TACC1: variants seen among roughly 807,000 people sequenced by gnomAD.
TACC1 encodes transforming acidic coiled-coil-containing protein 1.
A neutral mutation model predicts 84.4 loss-of-function variants in TACC1; 48 were observed. The observed-to-expected ratio is 0.57, with a 90% CI of 0.45 to 0.72. The LOEUF is 0.72. TACC1 is among the 30% of genes least tolerant of loss of function. TACC1 has a pLI of 0.00. For synonymous variants in TACC1, 372 were observed against 376.3 expected (o/e 0.99, Z 0.13); for missense variants, 920 against 973.0 (o/e 0.95, Z 0.72).
At chr8:38,753,929 C>CTTTCTTTCTTTCTTTCTTTCTTTCT (rs370460992) in intron 3 of TACC1, among the ~76,000 whole-genome samples, 3 of 120,742 alleles carry the variant, frequency 2.5e-5, no homozygotes, top group Non-Finnish European at 5.5e-5. Context: ...TTCTTTCTTT[C>CTTTCTTTCTTTCTTTCTTTCTTTCT]TTCTTTCTCT....
chr8:38,784,531 G>A (rs909757326), upstream of TACC1, among the ~76,000 whole-genome samples: 3 of 151,742 alleles, frequency 2.0e-5, no homozygotes, highest in Non-Finnish European at 4.4e-5. Flanking sequence ...CTGCACCACC[G>A]TGCTCCAGCC....
chr8:38,825,515 TC>T, intron 4 of TACC1, 147 bp downstream of exon 4: 1 of 739,272 alleles, frequency 1.4e-6, no homozygotes. Context: ...ATCCTTACTG[TC>T]CCTGAAGAGA....
At chr8:38,757,978 G>A (rs145745751) in intron 3 of TACC1, among the ~76,000 whole-genome samples, 1 of 152,240 alleles carries the variant, frequency 6.6e-6, no homozygotes, top group Non-Finnish European at 1.5e-5. Flanking sequence ...GGGACACCAA[G>A]TACTGTAATG....
chr8:38,801,606 G>C (rs1472120885), intron 2 of TACC1, among the ~76,000 whole-genome samples: 1 of 152,146 alleles, frequency 6.6e-6, no homozygotes, highest in Admixed American at 6.5e-5. Flanking sequence ...CCACCACACT[G>C]TCTTGATTAC....
At chr8:38,746,231 G>A (rs1408510789) in intron 3 of TACC1, among the ~76,000 whole-genome samples, 1 of 152,178 alleles carries the variant, frequency 6.6e-6, no homozygotes, top group African/African-American at 2.4e-5. Context: ...CGAAATCTCA[G>A]CACAGAAATG....
chr8:38,837,105 C>CA (rs1367043997), intron 7 of TACC1, among the ~76,000 whole-genome samples: 1 of 120,916 alleles, frequency 8.3e-6, no homozygotes, highest in Non-Finnish European at 1.7e-5. Context: ...CCACCAAAAT[C>CA]TTTTTTTTTT....
intron 1 of TACC1, among the ~76,000 whole-genome samples, chr8:38,731,890 TA>T (rs1805001200): frequency 6.6e-6 from 1 of 152,174 alleles, no homozygotes; most frequent in Non-Finnish European, 1.5e-5. Context: ...GGCAGACAGA[TA>T]ACTTGAGGCC....
At chr8:38,846,571 T>C (rs368775465) in intron 11 of TACC1, 128 bp from the exon 12 acceptor site, 187 of 1,156,074 alleles carry the variant, frequency 1.6e-4, no homozygotes, top group South Asian at 1.6e-3. Context: ...TTGTTTTTTT[T>C]CTCTCATGCA....
In TACC1 at chr8:38,848,132, A is replaced by G; in HGVS notation, c.*109A>G. ...TGCCCCTTTGCAGAGAAAAAAAAAA[A>G]CTTAAAAAAAGCACATGCCTACTGC... is the stretch of plus-strand genomic sequence containing the variant. On this transcript the variant is annotated 3_prime_UTR_variant, in exon 13 of 13. Coordinates refer to ENST00000317827, the MANE Select transcript of TACC1 (RefSeq NM_006283.3). 1 of 1,110,524 alleles carries G rather than the reference A, an allele frequency of 9.0e-7. No homozygotes were observed. Among genetic ancestry groups the G allele is most frequent in the Non-Finnish European group, 1.3e-6 (1 of 776,796 alleles). The allele number at this position is 1,110,524 out of a possible 1,614,324, so 68.8% of individuals were successfully genotyped here.
At position 38,820,519 on chromosome 8, in the gene TACC1, C is replaced by A; in HGVS notation, c.1275C>A (p.Ser425=). The change falls in exon 3 of 13, where the codon TCC becomes TCA. Residue 425 remains serine, a synonymous_variant. Transcript: ENST00000317827. Reference sequence around the variant, plus strand: ...TTGACCCAGATAACTTTGACGAATCCATGGATCCCTTTAAACCAACTACGA... The same window carrying A: ...TTGACCCAGATAACTTTGACGAATCAATGGATCCCTTTAAACCAACTACGA... ...YHFDPDNFDE[S]MDPFKPTTTL... is the part of the protein sequence containing the mutation. 6.2e-7 allele frequency: 1 copy of A among 1,614,216 alleles called. No individual in the cohort carries two copies. The highest frequency in any genetic ancestry group is 8.5e-7 in the Non-Finnish European group (1 of 1,180,038).
intron 3 of TACC1, chr8:38,823,978 T>C (rs1827465491): frequency 7.4e-7 from 1 of 1,351,900 alleles, no homozygotes; most frequent in South Asian, 1.1e-5. Flanking sequence ...TCTAATTTTG[T>C]TGGTGCATCA....
intron 3 of TACC1, among the ~76,000 whole-genome samples, chr8:38,766,205 C>A (rs1471582983): frequency 1.3e-5 from 2 of 152,204 alleles, no homozygotes; most frequent in Non-Finnish European, 2.9e-5. Flanking sequence ...TTTGACATTG[C>A]TTCATTCCCA....
chr8:38,823,503 G>A (rs1377571419), intron 3 of TACC1, among the ~76,000 whole-genome samples: 2 of 152,150 alleles, frequency 1.3e-5, no homozygotes, highest in Admixed American at 6.5e-5. Context: ...GATGAAATCT[G>A]GGCCAAAGAA....
Position 38,757,391 on chromosome 8 carries a change from C to G in TACC1, c.26+11898C>G, listed in dbSNP as rs936202474. ...CGGGAACCCGCCGGGGAGAGGCACCCGAGACCCACGGAGACCGCGTGAGTC... is the reference window on the plus strand; with the variant it reads ...CGGGAACCCGCCGGGGAGAGGCACCGGAGACCCACGGAGACCGCGTGAGTC... On this transcript the variant is annotated intron_variant, in intron 3 of 14. Coordinates refer to the TACC1 transcript ENST00000518415. 50 of 1,258,504 alleles carry G rather than the reference C, an allele frequency of 4.0e-5. 1 individual carries two copies. The Admixed American group carries it at 5.9e-4, about 15-fold the overall frequency. 78.0% of individuals were successfully genotyped at this position (1,258,504 alleles called of 1,614,324 possible).
chr8:38,846,788 T>C lies in TACC1; in HGVS notation c.2318T>C (p.Val773Ala). 1.2e-6 allele frequency: 2 copies of C among 1,614,132 alleles called. No individual in the cohort carries two copies. Among genetic ancestry groups the C allele is most frequent in the South Asian group, 2.2e-5 (2 of 91,080 alleles). ...GGACTCCGCAAAGAGCAGATGAAGG[T>C]GGAGTCCCTGGAAAGGGCCCTGCAG... ...HAGLRKEQMK[V>A]ESLERALQQK... Residue 773 changes from valine (V) to alanine (A), a missense_variant, in exon 12 of 13, where the codon GTG (valine) becomes GCG (alanine). Physicochemically the swap from Val to Ala is moderately conservative, Grantham distance 64. Transcript: ENST00000317827.
chr8:38,767,566 T>C (rs971171056), intron 3 of TACC1, among the ~76,000 whole-genome samples: 1 of 152,260 alleles, frequency 6.6e-6, no homozygotes, highest in Admixed American at 6.5e-5. Flanking sequence ...GGGCTTCTTT[T>C]ACCTGTTTTC....
rs758387006 is a variant in TACC1 at position 38,820,577 on chromosome 8, G to A, written c.1333G>A (p.Gly445Ser). The A allele has an allele frequency of 1.9e-6, 3 of 1,613,450 alleles. No individual in the cohort carries two copies. Among genetic ancestry groups the A allele is most frequent in the East Asian group, 2.2e-5 (1 of 44,890 alleles). ...AAGCAGTGACTTTTGTTCTCCCACT[G>A]GTAATCACGTTAATGAAATCTTAGA... ...LTSSDFCSPT[G>S]NHVNEILESP... The change falls in exon 3 of 13, where the codon GGT becomes AGT. Residue 445 changes from glycine to serine, a missense_variant. Physicochemically the swap from Gly to Ser is moderately conservative, Grantham distance 56. Coordinates refer to ENST00000317827, the MANE Select transcript of TACC1 (RefSeq NM_006283.3).
chr8:38,838,059 G>T (rs1023280111), intron 7 of TACC1, among the ~76,000 whole-genome samples: 1 of 152,254 alleles, frequency 6.6e-6, no homozygotes, highest in African/African-American at 2.4e-5. Context: ...GTCTGACTTT[G>T]TGGCAGTTTC....
chr8:38,749,037 A>C (rs114404672), intron 3 of TACC1, among the ~76,000 whole-genome samples: 4,465 of 152,192 alleles, frequency 0.029, 236 homozygotes, highest in African/African-American at 0.1. Context: ...AAAATTGATA[A>C]ATCTCAAGAC....
Sources: gnomAD v4.1 joint callset for allele counts (sites outside exome capture counted in the v4.1 genomes callset) on GRCh38, gnomAD v4.1.1 for gene constraint, MANE v1.5 for transcripts, NCBI Gene and HGNC (gene_info 2026-07-23, HGNC 2026-07-21) for gene names.